Variants in CTNND2 observed in about 807,000 individuals in gnomAD.
CTNND2 encodes the protein catenin delta 2.
CTNND2 carries 22 observed loss-of-function variants against 144.4 expected under a neutral mutation model. The observed-to-expected ratio is 0.15, with a 90% CI of 0.11 to 0.22. The LOEUF is 0.22. CTNND2 is among the 10% of genes least tolerant of loss of function. The pLI, the probability that CTNND2 is intolerant of heterozygous loss-of-function variation, is 1.00. For missense variants in CTNND2, 1,353 were observed against 1,618.8 expected (o/e 0.84, Z 2.82); for synonymous variants, 751 against 695.6 (o/e 1.08, Z -1.25).
rs1457407132 is a variant in CTNND2, at chr5:11,864,660, G to A, written c.37+39157C>T. On this transcript the variant is annotated intron_variant, in intron 1 of 21. Transcript: ENST00000304623. ...CAGGACAGATAACTGTGTTGTAGGG[G>A]GGCTCTCCTTTGTATTGTAAGATGT... 3.9e-5 allele frequency among the ~76,000 whole-genome samples: 6 copies of A among 152,050 alleles called. No homozygotes were observed. The East Asian group carries it at 5.8e-4, about 15-fold the overall frequency.
intron 15 of CTNND2, chr5:11,083,885 G>T: frequency 8.8e-7 from 1 of 1,130,222 alleles, no homozygotes; most frequent in Non-Finnish European, 1.1e-6. Flanking sequence ...TCTCACCTGT[G>T]GCAGGCAGGG....
chr5:11,558,370 GTGTGTGTGTGTGAC>G (rs763874378), intron 3 of CTNND2, among the ~76,000 whole-genome samples: 577 of 94,860 alleles, frequency 6.1e-3, no homozygotes, highest in Middle Eastern at 0.021. Context: ...GTGTGTGTGT[GTGTGTGTGTGTGAC>G]ACACAAGGTC....
At chr5:11,431,656 G>A (rs1763299280) in intron 3 of CTNND2, among the ~76,000 whole-genome samples, 1 of 152,186 alleles carries the variant, frequency 6.6e-6, no homozygotes. Context: ...GGGCCACATA[G>A]AGAAGCACTG....
chr5:11,230,375 A>AT (rs368766919), intron 10 of CTNND2, among the ~76,000 whole-genome samples: 30 of 151,696 alleles, frequency 2.0e-4, no homozygotes, highest in African/African-American at 7.0e-4. Context: ...AATTAAAAAA[A>AT]AAATCCGCAA....
intron 1 of CTNND2, among the ~76,000 whole-genome samples, chr5:11,766,596 C>T (rs1314872167): frequency 6.6e-6 from 1 of 152,168 alleles, no homozygotes; most frequent in Non-Finnish European, 1.5e-5. Context: ...CACTAAACCT[C>T]TTTCTTTTGT....
At chr5:11,629,603 T>A (rs984217974) in intron 2 of CTNND2, among the ~76,000 whole-genome samples, 13 of 152,216 alleles carry the variant, frequency 8.5e-5, no homozygotes, top group Non-Finnish European at 1.5e-4. Flanking sequence ...GCATTTACAG[T>A]TGTATACATT....
chr5:11,429,532 T>A (rs1347586972), intron 3 of CTNND2, among the ~76,000 whole-genome samples: 1 of 152,182 alleles, frequency 6.6e-6, no homozygotes, highest in African/African-American at 2.4e-5. Context: ...TCATTTTTAA[T>A]TTGTTGATTT....
At chr5:11,602,736 T>C (rs905306287) in intron 2 of CTNND2, among the ~76,000 whole-genome samples, 1 of 146,152 alleles carries the variant, frequency 6.8e-6, no homozygotes, top group African/African-American at 2.5e-5. Flanking sequence ...ATATGTAATA[T>C]AAATATTATA....
At chr5:11,415,446 C>A (rs1761864534) in intron 3 of CTNND2, among the ~76,000 whole-genome samples, 1 of 151,888 alleles carries the variant, frequency 6.6e-6, no homozygotes. Flanking sequence ...TCTACAAAAT[C>A]TTTTTAAAAA....
intron 1 of CTNND2, among the ~76,000 whole-genome samples, chr5:11,806,394 C>T (rs1264769730): frequency 6.6e-6 from 1 of 152,124 alleles, no homozygotes; most frequent in African/African-American, 2.4e-5. Flanking sequence ...TCAATAGTAA[C>T]TAACGCTCAC....
At chr5:11,851,429 G>C (rs1460064455) in intron 1 of CTNND2, among the ~76,000 whole-genome samples, 2 of 152,148 alleles carry the variant, frequency 1.3e-5, no homozygotes. Flanking sequence ...AAATGGTACA[G>C]AGCCTGTTTT....
At chr5:11,747,866 G>C (rs1398934081) in intron 1 of CTNND2, among the ~76,000 whole-genome samples, 2 of 152,102 alleles carry the variant, frequency 1.3e-5, no homozygotes, top group Non-Finnish European at 2.9e-5. Context: ...CACAGTACTT[G>C]AAAGTGTCCA....
At chr5:11,248,003 C>G (rs1199463569) in intron 9 of CTNND2, among the ~76,000 whole-genome samples, 1 of 151,868 alleles carries the variant, frequency 6.6e-6, no homozygotes, top group Non-Finnish European at 1.5e-5. Context: ...GGTAACAGCC[C>G]AAGGGAAAAA....
At chr5:11,748,399 A>C (rs1278263346) in intron 1 of CTNND2, among the ~76,000 whole-genome samples, 4 of 152,098 alleles carry the variant, frequency 2.6e-5, no homozygotes, top group African/African-American at 9.7e-5. Flanking sequence ...ATAGCAAAGA[A>C]ACTCATTTTT....
intron 2 of CTNND2, among the ~76,000 whole-genome samples, chr5:11,641,484 T>C (rs1273395072): frequency 6.6e-6 from 1 of 151,178 alleles, no homozygotes; most frequent in Non-Finnish European, 1.5e-5. Flanking sequence ...TATGTATATG[T>C]ACATGCACAC....
chr5:11,413,259 C>A (rs942331239), intron 3 of CTNND2, among the ~76,000 whole-genome samples: 13 of 152,052 alleles, frequency 8.5e-5, no homozygotes, highest in Non-Finnish European at 1.8e-4. Context: ...CATATAACTA[C>A]AAAGTTTAGC....
At chr5:11,862,501 T>A (rs1288442112) in intron 1 of CTNND2, among the ~76,000 whole-genome samples, 2 of 152,212 alleles carry the variant, frequency 1.3e-5, no homozygotes, top group Non-Finnish European at 1.5e-5. Context: ...AAAAGTACAT[T>A]CATGGAGTAT....
intron 14 of CTNND2, among the ~76,000 whole-genome samples, chr5:11,110,587 A>C (rs1752864021): frequency 6.6e-6 from 1 of 152,152 alleles, no homozygotes; most frequent in Non-Finnish European, 1.5e-5. Flanking sequence ...GCGCCTGCTC[A>C]GAGGTGGAAT....
chr5:11,439,159 A>C (rs971926219), intron 3 of CTNND2, among the ~76,000 whole-genome samples: 3 of 152,126 alleles, frequency 2.0e-5, no homozygotes, highest in African/African-American at 7.2e-5. Context: ...GCATGGATGC[A>C]TGGGTTTCTC....
Sources: allele counts gnomAD v4.1 joint callset (sites outside exome capture counted in the v4.1 genomes callset), GRCh38; gene constraint gnomAD v4.1.1; transcripts MANE v1.5; gene names NCBI Gene and HGNC (gene_info 2026-07-23, HGNC 2026-07-21).